Variants in CDH18 observed in about 807,000 individuals in gnomAD.
CDH18 encodes cadherin-18.
A neutral mutation model predicts 67.9 loss-of-function variants in CDH18; 31 were observed. The ratio of observed to expected loss-of-function variants is 0.46; its 90% CI spans 0.34 to 0.62. CDH18 has a LOEUF of 0.62. CDH18 is among the 20% of genes least tolerant of loss of function. The probability of loss-of-function intolerance (pLI) is 0.01; values close to 1 mark genes in which losing one functional copy is unlikely to be tolerated. For missense variants in CDH18, 890 were observed against 975.5 expected (o/e 0.91, Z 1.17); for synonymous variants, 362 against 347.2 (o/e 1.04, Z -0.48).
chr5:20,008,558 CTT>C (rs1737131152), intron 2 of CDH18, among the ~76,000 whole-genome samples: 3 of 152,110 alleles, frequency 2.0e-5, no homozygotes, highest in Admixed American at 2.0e-4. Flanking sequence ...CAGTACAGAA[CTT>C]TTCATTTTTA....
intron 1 of CDH18, among the ~76,000 whole-genome samples, chr5:19,986,325 C>G (rs1341858185): frequency 6.6e-6 from 1 of 152,170 alleles, no homozygotes; most frequent in Non-Finnish European, 1.5e-5. Flanking sequence ...ACAGTTACAG[C>G]TAGAGTTTCC....
At chr5:20,107,237 C>T (rs1276943973) in intron 2 of CDH18, among the ~76,000 whole-genome samples, 1 of 152,036 alleles carries the variant, frequency 6.6e-6, no homozygotes, top group Admixed American at 6.6e-5. Flanking sequence ...CCCTCCATCA[C>T]GCCCGGCTAT....
At chr5:19,994,347 A>G (rs927899352) in intron 2 of CDH18, among the ~76,000 whole-genome samples, 1 of 151,270 alleles carries the variant, frequency 6.6e-6, no homozygotes, top group Admixed American at 6.6e-5. Context: ...ACACCTCTCT[A>G]TCCCCTTAGT....
At chr5:20,430,746 A>C (rs138618545) in intron 1 of CDH18, among the ~76,000 whole-genome samples, 1 of 152,298 alleles carries the variant, frequency 6.6e-6, no homozygotes, top group African/African-American at 2.4e-5. Context: ...CCAAAATATA[A>C]ATGGAGATTC....
intron 1 of CDH18, among the ~76,000 whole-genome samples, chr5:20,563,783 C>G (rs1758348992): frequency 6.6e-6 from 1 of 152,046 alleles, no homozygotes; most frequent in Admixed American, 6.6e-5. Flanking sequence ...TTAGGTAACT[C>G]ATTTATTTAC....
In CDH18 at chr5:20,376,217, C is replaced by T. The variant is rs1580858710; in HGVS notation, c.-579-120712G>A. On this transcript the variant is annotated intron_variant, in intron 1 of 14. Transcript: ENST00000507958. ...CACGCCATTTTCCTGCCTCAGCCTC[C>T]CGAGTAGCTGGGACTACAGGCGCCC... Among the ~76,000 whole-genome samples the T allele has an allele frequency of 2.7e-5, 4 of 150,038 alleles. No individual in the cohort carries two copies. In the South Asian group the frequency reaches 8.4e-4, roughly 31 times the overall value.
chr5:19,822,017 T>A (rs911646154), intron 3 of CDH18, among the ~76,000 whole-genome samples: 2 of 152,136 alleles, frequency 1.3e-5, no homozygotes, highest in Non-Finnish European at 2.9e-5. Flanking sequence ...CACACTTAAG[T>A]ACTTAGTGAC....
chr5:20,428,360 G>T lies in CDH18; in HGVS notation c.-580+147102C>A, dbSNP rs180835909. ...CAGTCTATCATTGATGGGCATTTGG[G>T]TTAGTTCCAAGTCTTTGCTATTGTA... On this transcript the variant is annotated intron_variant, in intron 1 of 14. Transcript: ENST00000507958. 2.3e-3 allele frequency among the ~76,000 whole-genome samples: 333 copies of T among 144,722 alleles called. 26 individuals carry two copies. Among genetic ancestry groups the T allele is most frequent in the African/African-American group, 9.4e-3 (323 of 34,506 alleles). The allele number at this position is 144,722 out of a possible 152,430, so 94.9% of individuals were successfully genotyped here.
chr5:19,811,590 C>G (rs934945079), intron 3 of CDH18, among the ~76,000 whole-genome samples: 3 of 151,872 alleles, frequency 2.0e-5, no homozygotes, highest in Admixed American at 6.6e-5. Flanking sequence ...TACGGCAGCT[C>G]TAGGAAATAA....
chr5:20,099,903 C>A (rs1001044570), intron 2 of CDH18, among the ~76,000 whole-genome samples: 1 of 152,116 alleles, frequency 6.6e-6, no homozygotes, highest in Admixed American at 6.6e-5. Flanking sequence ...CATGCCTCTG[C>A]CTCCCAAGTA....
intron 2 of CDH18, among the ~76,000 whole-genome samples, chr5:20,040,826 C>G (rs1740353820): frequency 6.6e-6 from 1 of 152,098 alleles, no homozygotes; most frequent in Non-Finnish European, 1.5e-5. Flanking sequence ...AGACCAGTAT[C>G]CATTGGGAGG....
chr5:19,945,456 T>C (rs546854302), intron 2 of CDH18, among the ~76,000 whole-genome samples: 1 of 152,178 alleles, frequency 6.6e-6, no homozygotes, highest in Admixed American at 6.6e-5. Context: ...TATCTAGAAG[T>C]CCAGGATTTA....
intron 2 of CDH18, among the ~76,000 whole-genome samples, chr5:19,840,677 G>T (rs977996416): frequency 4.6e-5 from 7 of 151,928 alleles, no homozygotes; most frequent in African/African-American, 1.5e-4. Context: ...ACTCCAGCCT[G>T]GGCAACAAGA....
chr5:19,672,691 G>C (rs1429140334), intron 5 of CDH18, among the ~76,000 whole-genome samples: 1 of 152,012 alleles, frequency 6.6e-6, no homozygotes, highest in Non-Finnish European at 1.5e-5. Context: ...AGTGATGTCA[G>C]TGAAAAAGAA....
intron 2 of CDH18, among the ~76,000 whole-genome samples, chr5:20,090,436 G>T (rs1223186872): frequency 6.6e-6 from 1 of 152,122 alleles, no homozygotes; most frequent in Non-Finnish European, 1.5e-5. Flanking sequence ...TCAGGAGGCT[G>T]AGGCAGGAGA....
intron 2 of CDH18, among the ~76,000 whole-genome samples, chr5:20,242,527 G>A (rs1024428150): frequency 1.4e-4 from 21 of 146,866 alleles, no homozygotes; most frequent in Non-Finnish European, 2.7e-4. Flanking sequence ...ATTCATCCAA[G>A]TTGTCCCAAA....
chr5:19,517,768 G>C (rs1409331036), intron 10 of CDH18, among the ~76,000 whole-genome samples: 1 of 151,916 alleles, frequency 6.6e-6, no homozygotes, highest in African/African-American at 2.4e-5. Context: ...TCTCTCATAT[G>C]CCTCTCAGAA....
chr5:19,725,162 G>A (rs1022760997), intron 4 of CDH18, among the ~76,000 whole-genome samples: 28 of 151,864 alleles, frequency 1.8e-4, no homozygotes, highest in African/African-American at 4.8e-4. Flanking sequence ...TCCTGACCTC[G>A]TGATCCACCC....
chr5:20,044,524 A>G (rs1403049808), intron 2 of CDH18, among the ~76,000 whole-genome samples: 2 of 152,262 alleles, frequency 1.3e-5, no homozygotes, highest in South Asian at 2.1e-4. Flanking sequence ...TTTAACCTAC[A>G]AAAAATTAAA....
Sources: allele counts gnomAD v4.1 joint callset (sites outside exome capture counted in the v4.1 genomes callset), GRCh38; gene constraint gnomAD v4.1.1; transcripts MANE v1.5; gene names NCBI Gene and HGNC (gene_info 2026-07-23, HGNC 2026-07-21).